The following ZC3H13 variants were observed in gnomAD, a reference collection of about 807,000 sequenced individuals.
ZC3H13 encodes zinc finger CCCH domain-containing protein 13.
In ZC3H13, 64 loss-of-function variants were observed where a neutral mutation model predicts 204.1. The ratio of observed to expected loss-of-function variants is 0.31; its 90% confidence interval spans 0.26 to 0.39. ZC3H13 has a LOEUF of 0.39. Among genes scored for constraint, ZC3H13 ranks in the 10% least tolerant of loss-of-function variants. The pLI is 1.00. For missense variants in ZC3H13, 1,833 were observed against 2,082.7 expected, an observed-to-expected ratio of 0.88 and a Z score of 2.33; for synonymous variants, 667 against 693.7, an observed-to-expected ratio of 0.96 and a Z score of 0.60.
chr13:45,974,938 T>C (rs1392140595), intron 12 of ZC3H13, among the ~76,000 whole-genome samples: 1 of 151,782 alleles, frequency 6.6e-6, no homozygotes, highest in East Asian at 1.9e-4. Context: ...CCTCTGCCTC[T>C]CAGGTTCAAA....
Position 46,019,026 on chromosome 13 carries a change from G to A in ZC3H13, c.448+1423C>T, listed in dbSNP as rs376682647. Reference sequence around the variant, plus strand: ...GCCTTTATTGCTATTTTGTAGAAGCGGTATTAGGTTGGATTATGAAATCCT... The same window carrying A: ...GCCTTTATTGCTATTTTGTAGAAGCAGTATTAGGTTGGATTATGAAATCCT... On this transcript the variant is annotated intron_variant, in intron 5 of 18. Coordinates refer to ENST00000679008, the MANE Select transcript of ZC3H13 (RefSeq NM_001330564.2). 5.9e-5 allele frequency among the ~76,000 whole-genome samples: 9 copies of A among 152,088 alleles called. No homozygotes were observed. The East Asian group carries it at 1.2e-3, about 20-fold the overall frequency.
intron 8 of ZC3H13, among the ~76,000 whole-genome samples, chr13:45,998,925 T>C (rs770921813): frequency 1.1e-4 from 16 of 152,082 alleles, no homozygotes; most frequent in Non-Finnish European, 2.4e-4. Flanking sequence ...TTCGCTAGCA[T>C]TTTACCCACA....
Position 45,983,139 on chromosome 13 carries a change from C to T in ZC3H13, c.1720+2158G>A, listed in dbSNP as rs577341397. Among the ~76,000 whole-genome samples, 207 of 151,848 alleles carry T rather than the reference C, an allele frequency of 1.4e-3. 1 individual carries two copies. Among genetic ancestry groups the T allele is most frequent in the Non-Finnish European group, 2.5e-3 (172 of 67,968 alleles). On this transcript the variant is annotated intron_variant, in intron 10 of 18. Coordinates refer to ENST00000679008, the MANE Select transcript of ZC3H13 (RefSeq NM_001330564.2). ...TCTTAGAGAAACATTTTGCATTCAA[C>T]CATTACAAATGCAACTCCTTTGAAA...
At chr13:46,022,068 T>A (rs2138836314) in intron 4 of ZC3H13, among the ~76,000 whole-genome samples, 1 of 152,034 alleles carries the variant, frequency 6.6e-6, no homozygotes, top group East Asian at 1.9e-4. Flanking sequence ...TCTATAAATT[T>A]GTAACATTTT....
At position 45,979,834 on chromosome 13, in the gene ZC3H13, G is replaced by C; in HGVS notation, c.1891C>G (p.Arg631Gly). 2 of 1,586,128 alleles carry C rather than the reference G, an allele frequency of 1.3e-6. No homozygotes were observed. The highest frequency in any genetic ancestry group is 1.7e-6 in the Non-Finnish European group (2 of 1,168,816). Residue 631 changes from arginine to glycine, a missense_variant, in exon 11 of 19, where the codon CGT becomes GGT. Around this residue, in one of 5 missense-constraint regions of ZC3H13, gnomAD observed 1,574 missense variants for 1,757.2 expected, o/e 0.90. Coordinates refer to ENST00000679008, the MANE Select transcript of ZC3H13 (RefSeq NM_001330564.2). ...SFERRHGERD[R>G]RDNRERDQRP... ...AAACCTCTCTCTCTGTTGTCACGAC[G>C]GTCTCGCTCTCCATGTCTTCTCTCA...
rs1015948795 is a variant in ZC3H13, at chr13:46,003,426, C to T, written c.747-90G>A. ...TCTTAAAAACAGCAGCGTTCCTTTA[C>T]ATTACTTGCCCTTTATTATTTTGTA... On this transcript the variant is annotated intron_variant, in intron 7 of 18. Coordinates refer to ENST00000679008, the MANE Select transcript of ZC3H13 (RefSeq NM_001330564.2). 4.2e-6 allele frequency: 5 copies of T among 1,195,234 alleles called. No individual in the cohort carries two copies. In the East Asian group the frequency reaches 7.4e-5, roughly 18 times the overall value. 74.0% of individuals were successfully genotyped at this position (1,195,234 alleles called of 1,614,324 possible).
rs1555277662 is a variant in ZC3H13 at position 45,983,401 on chromosome 13, T to TTATATATATATATATATATATA, written c.1720+1895_1720+1896insTATATATATATATATATATATA. On this transcript the variant is annotated intron_variant, in intron 10 of 18. Transcript: ENST00000679008. ...TGAAACAAAGCAAAGCCCCTTCTAC[T>TTATATATATATATATATATATA]TATATATATATATTTTTTTTTTTTT... is the stretch of plus-strand genomic sequence containing the variant. Among the ~76,000 whole-genome samples the TTATATATATATATATATATATA allele has an allele frequency of 5.6e-3, 199 of 35,442 alleles. 17 individuals carry two copies. Among genetic ancestry groups the TTATATATATATATATATATATA allele is most frequent in the East Asian group, 0.015 (8 of 526 alleles). The allele number at this position is 35,442 out of a possible 152,430, so 23.3% of individuals were successfully genotyped here.
chr13:45,962,791 T>C (rs1951786048), intron 17 of ZC3H13: 2 of 985,286 alleles, frequency 2.0e-6, no homozygotes, highest in Admixed American at 6.2e-5. Context: ...TGTTAATTAA[T>C]GTTGTTCCTT....
At chr13:46,033,997 TAACA>T (rs1325120749) in intron 4 of ZC3H13, among the ~76,000 whole-genome samples, 1 of 152,054 alleles carries the variant, frequency 6.6e-6, no homozygotes, top group Non-Finnish European at 1.5e-5. Flanking sequence ...CAAAAGATGT[TAACA>T]AATAAACAAT....
chr13:45,988,929 G>A lies in ZC3H13; in HGVS notation c.1113C>T (p.Ala371=). 1.2e-6 allele frequency: 2 copies of A among 1,614,136 alleles called. No individual in the cohort carries two copies. The highest frequency in any genetic ancestry group is 1.7e-6 in the Non-Finnish European group (2 of 1,180,016). The change falls in exon 9 of 19, where the codon GCC becomes GCT. Residue 371 remains alanine, a synonymous_variant. Coordinates refer to ENST00000679008, the MANE Select transcript of ZC3H13 (RefSeq NM_001330564.2). The part of the protein sequence containing the change: ...RTLTPPLRRS[A]SPYPSHSLSS... ...ACAAAGAATGTGAAGGATAAGGAGA[G>A]GCAGAGCGTCGTAAAGGTGGAGTTA...
rs2044569400 is a variant in ZC3H13 at position 46,052,657 on chromosome 13, C to G, written c.-263G>C. The G allele has an allele frequency of 7.5e-6, 3 of 398,780 alleles. No individual in the cohort carries two copies. In the East Asian group the frequency reaches 1.1e-4, roughly 14 times the overall value. 24.7% of individuals were successfully genotyped at this position (398,780 alleles called of 1,614,324 possible). ...AACTGGGTCGCAGGAAGAAAAATAA[C>G]GAAGAGATTGTAGATTAAGAAAAGG... On this transcript the variant is annotated 5_prime_UTR_variant, in exon 1 of 19. Transcript: ENST00000679008.
intron 15 of ZC3H13, among the ~76,000 whole-genome samples, chr13:45,966,770 A>C (rs551621199): frequency 1.3e-5 from 2 of 152,356 alleles, no homozygotes; most frequent in South Asian, 4.1e-4. Flanking sequence ...TCGAGCAGAG[A>C]AGGCTTCATC....
intron 1 of ZC3H13, among the ~76,000 whole-genome samples, chr13:46,046,638 A>G (rs1265351255): frequency 6.7e-6 from 1 of 149,720 alleles, no homozygotes; most frequent in Non-Finnish European, 1.5e-5. Flanking sequence ...ACCGCACTCC[A>G]GCCTGGGCGA....
chr13:45,995,296 A>G (rs975960800), intron 8 of ZC3H13, among the ~76,000 whole-genome samples: 1 of 152,214 alleles, frequency 6.6e-6, no homozygotes, highest in African/African-American at 2.4e-5. Context: ...AGCTAAAAGT[A>G]CAATTATTTA....
chr13:45,965,515 C>T, intron 15 of ZC3H13, 83 bp from the exon 16 acceptor site: 1 of 1,258,804 alleles, frequency 7.9e-7, no homozygotes, highest in Non-Finnish European at 1.1e-6. Context: ...AGAGGGTACA[C>T]ACATTATAAC....
chr13:46,048,157 G>A (rs1197652682), intron 1 of ZC3H13, among the ~76,000 whole-genome samples: 1 of 152,118 alleles, frequency 6.6e-6, no homozygotes, highest in African/African-American at 2.4e-5. Flanking sequence ...GAGGGTTCCA[G>A]GTATTAACTC....
chr13:45,997,790 G>A (rs1335013400), intron 8 of ZC3H13, among the ~76,000 whole-genome samples: 6 of 151,586 alleles, frequency 4.0e-5, no homozygotes, highest in Non-Finnish European at 7.4e-5. Flanking sequence ...GTAAGCAACC[G>A]CTTATATCCA....
chr13:45,957,891 C>T (rs1269866761), intron 18 of ZC3H13, among the ~76,000 whole-genome samples: 3 of 152,160 alleles, frequency 2.0e-5, no homozygotes, highest in Non-Finnish European at 4.4e-5. Flanking sequence ...AGAACTACTA[C>T]CTCCCTTATA....
intron 12 of ZC3H13, among the ~76,000 whole-genome samples, chr13:45,973,989 T>G (rs1437015765): frequency 6.6e-6 from 1 of 152,192 alleles, no homozygotes; most frequent in Non-Finnish European, 1.5e-5. Flanking sequence ...TGTTTGGCCC[T>G]AACCATAATC....
Sources: gnomAD v4.1 joint callset for allele counts (sites outside exome capture counted in the v4.1 genomes callset) on GRCh38, gnomAD v4.1.1 for gene constraint, gnomAD v4.1.1 regional missense constraint, MANE v1.5 for transcripts, NCBI Gene and HGNC (gene_info 2026-07-23, HGNC 2026-07-21) for gene names.